TRPM3: variants seen among roughly 807,000 people sequenced by gnomAD.
The protein encoded by TRPM3 is transient receptor potential cation channel subfamily M member 3.
In TRPM3, 77 loss-of-function variants were observed where a neutral mutation model predicts 181.2. That is an observed-to-expected ratio of 0.42 (90% CI 0.35 to 0.51). TRPM3 has a LOEUF of 0.51. Ranked by LOEUF, TRPM3 falls within the 20% of genes least tolerant of loss-of-function variation. The probability of loss-of-function intolerance (pLI) is 0.01; values close to 1 mark genes in which losing one functional copy is unlikely to be tolerated. For missense variants in TRPM3, 1,759 were observed against 2,196.7 expected (o/e 0.80, Z 3.98); for synonymous variants, 745 against 796.4 (o/e 0.94, Z 1.09).
At chr9:70,555,519 A>G (rs934497282) in intron 22 of TRPM3, among the ~76,000 whole-genome samples, 2 of 152,214 alleles carry the variant, frequency 1.3e-5, no homozygotes, top group African/African-American at 4.8e-5. Context: ...ATGGGGACAC[A>G]ATCTTGTTGG....
chr9:71,236,084 A>G (rs975618914), intron 1 of TRPM3, among the ~76,000 whole-genome samples: 6 of 152,202 alleles, frequency 3.9e-5, no homozygotes, highest in Non-Finnish European at 5.9e-5. Flanking sequence ...ATGTCATATA[A>G]TAAGTTAACA....
intron 1 of TRPM3, among the ~76,000 whole-genome samples, chr9:70,964,459 T>C (rs889564881): frequency 6.6e-6 from 1 of 152,112 alleles, no homozygotes; most frequent in Admixed American, 6.6e-5. Flanking sequence ...TGTTTTTTAC[T>C]TGTGGTTCCT....
chr9:70,849,792 T>C (rs955103924), intron 3 of TRPM3, among the ~76,000 whole-genome samples: 1 of 135,680 alleles, frequency 7.4e-6, no homozygotes, highest in Non-Finnish European at 1.6e-5. Context: ...CATACAAACA[T>C]ATGCTTTTTG....
At chr9:70,888,244 A>G (rs1380787011) in intron 1 of TRPM3, among the ~76,000 whole-genome samples, 1 of 152,108 alleles carries the variant, frequency 6.6e-6, no homozygotes, top group Non-Finnish European at 1.5e-5. Flanking sequence ...CATTATAACC[A>G]CCCAGCACAT....
chr9:71,074,414 T>G (rs979969656), intron 1 of TRPM3, among the ~76,000 whole-genome samples: 1 of 151,834 alleles, frequency 6.6e-6, no homozygotes, highest in Non-Finnish European at 1.5e-5. Flanking sequence ...CTTTGAAGAG[T>G]TGAGAGTTTT....
At chr9:71,131,556 T>C (rs1025112052) in intron 1 of TRPM3, among the ~76,000 whole-genome samples, 4 of 152,132 alleles carry the variant, frequency 2.6e-5, no homozygotes, top group African/African-American at 9.7e-5. Context: ...GAAGAATGAG[T>C]GAACTAGCCA....
intron 1 of TRPM3, among the ~76,000 whole-genome samples, chr9:70,895,184 G>T (rs1269478085): frequency 6.6e-6 from 1 of 152,146 alleles, no homozygotes; most frequent in African/African-American, 2.4e-5. Flanking sequence ...CTGAAAACAG[G>T]CAGCGCTGCA....
intron 1 of TRPM3, among the ~76,000 whole-genome samples, chr9:71,119,540 T>A (rs1326719820): frequency 6.6e-6 from 1 of 151,514 alleles, no homozygotes; most frequent in South Asian, 2.1e-4. Context: ...ATTCTCCATT[T>A]AAAAAAAAAC....
chr9:70,780,595 TAA>T (rs1369757123), intron 7 of TRPM3, among the ~76,000 whole-genome samples: 1 of 152,168 alleles, frequency 6.6e-6, no homozygotes, highest in African/African-American at 2.4e-5. Flanking sequence ...AAATGATTTT[TAA>T]AATTGGCTGC....
At chr9:71,349,644 C>A (rs1298445441) in intron 1 of TRPM3, among the ~76,000 whole-genome samples, 2 of 152,172 alleles carry the variant, frequency 1.3e-5, no homozygotes, top group Admixed American at 1.3e-4. Flanking sequence ...TTCATAGGTC[C>A]ATTTTAAAAT....
At chr9:71,254,599 A>G (rs917304414) in intron 1 of TRPM3, among the ~76,000 whole-genome samples, 2 of 152,242 alleles carry the variant, frequency 1.3e-5, no homozygotes, top group African/African-American at 4.8e-5. Flanking sequence ...ATAAATATAT[A>G]TGATTATTGT....
At chr9:71,031,761 G>A (rs906036021) in intron 1 of TRPM3, among the ~76,000 whole-genome samples, 1 of 150,534 alleles carries the variant, frequency 6.6e-6, no homozygotes, top group Admixed American at 6.7e-5. Flanking sequence ...TACCCTAAAT[G>A]TGTTTGGCCA....
intron 6 of TRPM3, among the ~76,000 whole-genome samples, chr9:70,809,119 G>A (rs559123558): frequency 6.6e-6 from 1 of 152,150 alleles, no homozygotes; most frequent in Admixed American, 6.5e-5. Flanking sequence ...ACAGAAAAAA[G>A]CTCATAGAAT....
chr9:71,031,498 C>A (rs1451393707), intron 1 of TRPM3, among the ~76,000 whole-genome samples: 1 of 152,080 alleles, frequency 6.6e-6, no homozygotes, highest in Non-Finnish European at 1.5e-5. Flanking sequence ...GCATAGTAAT[C>A]AGCATGCAGT....
intron 12 of TRPM3, among the ~76,000 whole-genome samples, chr9:70,631,177 G>A (rs755817021): frequency 5.9e-5 from 9 of 152,192 alleles, no homozygotes; most frequent in Non-Finnish European, 1.0e-4. Flanking sequence ...TCACCCGGTA[G>A]GGGCTTCATC....
rs2081956501 is a variant in TRPM3, at chr9:70,778,815, C to T, written c.1148+5290G>A. On this transcript the variant is annotated intron_variant, in intron 7 of 25. Transcript: ENST00000677713. ...ACCCTTCAGCTTTAGATGGAAATCT[C>T]TGGAGCAGCAGGAGAAAACAATAGT... 2.0e-5 allele frequency among the ~76,000 whole-genome samples: 3 copies of T among 152,212 alleles called. No homozygotes were observed. The South Asian group carries it at 6.2e-4, about 32-fold the overall frequency.
intron 1 of TRPM3, among the ~76,000 whole-genome samples, chr9:71,287,086 T>C (rs941094688): frequency 4.2e-5 from 6 of 143,436 alleles, no homozygotes; most frequent in Admixed American, 7.1e-5. Context: ...ATATAAATTA[T>C]ATTATATGAT....
chr9:71,311,794 A>T (rs2087967858), intron 1 of TRPM3, among the ~76,000 whole-genome samples: 1 of 151,982 alleles, frequency 6.6e-6, no homozygotes. Context: ...AGCAAAAAAA[A>T]ATAATAAAAT....
At chr9:70,647,703 A>C (rs768966105) in intron 9 of TRPM3, among the ~76,000 whole-genome samples, 2 of 152,170 alleles carry the variant, frequency 1.3e-5, no homozygotes, top group Non-Finnish European at 2.9e-5. Context: ...GCAATCAGCC[A>C]AAAAGAAGGA....
Sources: gnomAD v4.1 joint callset for allele counts (sites outside exome capture counted in the v4.1 genomes callset) on GRCh38, gnomAD v4.1.1 for gene constraint, MANE v1.5 for transcripts, NCBI Gene and HGNC (gene_info 2026-07-23, HGNC 2026-07-21) for gene names.